Variants in SLC24A3 observed in about 807,000 individuals in gnomAD.
The protein encoded by SLC24A3 is sodium/potassium/calcium exchanger 3.
In SLC24A3, 28 loss-of-function variants were observed where a neutral mutation model predicts 75.8. That is an observed-to-expected ratio of 0.37 (90% confidence interval 0.27 to 0.51). The LOEUF is 0.51. SLC24A3 is among the 20% of genes least tolerant of loss of function. The probability of loss-of-function intolerance (pLI) is 0.94; values close to 1 mark genes in which losing one functional copy is unlikely to be tolerated. For synonymous variants in SLC24A3, 372 were observed against 334.1 expected, an observed-to-expected ratio of 1.11 and a Z score of -1.24; for missense variants, 663 against 847.8, an observed-to-expected ratio of 0.78 and a Z score of 2.71.
chr20:19,597,636 AC>A (rs1368738092), intron 6 of SLC24A3, among the ~76,000 whole-genome samples: 1 of 152,064 alleles, frequency 6.6e-6, no homozygotes, highest in East Asian at 1.9e-4. Context: ...CATTGTGGTC[AC>A]CCTACTCTGC....
At chr20:19,354,041 T>G (rs1467957583) in intron 2 of SLC24A3, among the ~76,000 whole-genome samples, 1 of 152,132 alleles carries the variant, frequency 6.6e-6, no homozygotes. Context: ...AGCTCCAAAC[T>G]AGAAAAATCC....
chr20:19,222,653 TGTGA>T (rs984489160), intron 1 of SLC24A3, among the ~76,000 whole-genome samples: 9 of 152,304 alleles, frequency 5.9e-5, no homozygotes, highest in Admixed American at 3.9e-4. Flanking sequence ...CCCTCACAAC[TGTGA>T]GTAAGGAAGC....
intron 2 of SLC24A3, among the ~76,000 whole-genome samples, chr20:19,341,116 A>G (rs543393695): frequency 3.3e-5 from 5 of 152,316 alleles, no homozygotes; most frequent in Admixed American, 1.3e-4. Flanking sequence ...CCATCCCCAG[A>G]GGGGCTGAAC....
At chr20:19,569,469 C>T (rs1247349116) in intron 3 of SLC24A3, among the ~76,000 whole-genome samples, 2 of 152,060 alleles carry the variant, frequency 1.3e-5, no homozygotes, top group Non-Finnish European at 2.9e-5. Context: ...CCTTTCCATC[C>T]TTTCCCAAGC....
intron 9 of SLC24A3, among the ~76,000 whole-genome samples, chr20:19,681,133 C>T (rs903063834): frequency 3.3e-4 from 50 of 152,200 alleles, no homozygotes; most frequent in Non-Finnish European, 1.2e-4. Context: ...AAACCATCCT[C>T]GGAACTTGTA....
intron 2 of SLC24A3, among the ~76,000 whole-genome samples, chr20:19,331,159 T>A (rs1984989139): frequency 6.6e-6 from 1 of 152,108 alleles, no homozygotes; most frequent in African/African-American, 2.4e-5. Flanking sequence ...CAATTGACAG[T>A]TTGAAAATGG....
intron 6 of SLC24A3, among the ~76,000 whole-genome samples, chr20:19,600,924 G>A (rs1193731943): frequency 2.6e-5 from 4 of 152,094 alleles, no homozygotes; most frequent in African/African-American, 9.7e-5. Context: ...GCCTCCCAAG[G>A]CACTGAGATT....
intron 1 of SLC24A3, among the ~76,000 whole-genome samples, chr20:19,228,278 T>TGGGG (rs1191316596): frequency 3.9e-5 from 6 of 152,190 alleles, no homozygotes; most frequent in African/African-American, 1.4e-4. Flanking sequence ...TCCCCTTGGC[T>TGGGG]ATTAGTGACA....
At chr20:19,377,812 G>T (rs143168572) in intron 2 of SLC24A3, among the ~76,000 whole-genome samples, 1 of 152,304 alleles carries the variant, frequency 6.6e-6, no homozygotes, top group Non-Finnish European at 1.5e-5. Flanking sequence ...GACCTGTTCA[G>T]AAAAGGCTTT....
At chr20:19,338,344 G>A (rs1482334006) in intron 2 of SLC24A3, among the ~76,000 whole-genome samples, 1 of 152,128 alleles carries the variant, frequency 6.6e-6, no homozygotes, top group Admixed American at 6.5e-5. Flanking sequence ...CTGTTGGCTG[G>A]TTGCATATCG....
intron 6 of SLC24A3, among the ~76,000 whole-genome samples, chr20:19,600,519 A>T (rs1301475970): frequency 1.3e-5 from 2 of 152,236 alleles, no homozygotes; most frequent in Admixed American, 1.3e-4. Flanking sequence ...CTACTCTACA[A>T]GTTTGAACTG....
intron 1 of SLC24A3, among the ~76,000 whole-genome samples, chr20:19,223,376 A>G (rs1329551253): frequency 2.6e-5 from 4 of 152,232 alleles, no homozygotes; most frequent in East Asian, 3.8e-4. Context: ...AAACTATAGT[A>G]TAATATCATA....
intron 1 of SLC24A3, among the ~76,000 whole-genome samples, chr20:19,257,152 A>C (rs976998682): frequency 1.3e-5 from 2 of 152,212 alleles, no homozygotes; most frequent in Non-Finnish European, 2.9e-5. Context: ...CCATTTGCAA[A>C]AATAGGTTTT....
intron 2 of SLC24A3, among the ~76,000 whole-genome samples, chr20:19,440,598 A>G (rs1205719485): frequency 6.6e-6 from 1 of 150,708 alleles, no homozygotes; most frequent in African/African-American, 2.4e-5. Context: ...AAGAGATTTC[A>G]TTACTTGGAA....
intron 4 of SLC24A3, among the ~76,000 whole-genome samples, chr20:19,583,008 C>G (rs914826655): frequency 6.6e-6 from 1 of 152,248 alleles, no homozygotes; most frequent in South Asian, 2.1e-4. Context: ...ACTACTCACC[C>G]CTCTGACGTC....
At chr20:19,235,415 TC>T (rs1396525884) in intron 1 of SLC24A3, among the ~76,000 whole-genome samples, 1 of 152,204 alleles carries the variant, frequency 6.6e-6, no homozygotes, top group Non-Finnish European at 1.5e-5. Context: ...TCTGCCTTAA[TC>T]TAAAGCAAAA....
At chr20:19,391,605 ATG>A (rs1986368302) in intron 2 of SLC24A3, among the ~76,000 whole-genome samples, 1 of 152,166 alleles carries the variant, frequency 6.6e-6, no homozygotes, top group Non-Finnish European at 1.5e-5. Flanking sequence ...CATGCAGTGT[ATG>A]CTATAACTAG....
At chr20:19,536,337 A>T (rs2030395608) in intron 3 of SLC24A3, among the ~76,000 whole-genome samples, 2 of 152,050 alleles carry the variant, frequency 1.3e-5, no homozygotes, top group Non-Finnish European at 2.9e-5. Flanking sequence ...GAACTTTGGG[A>T]GTGTTTCTGT....
chr20:19,489,897 G>A (rs1275247955), intron 2 of SLC24A3, among the ~76,000 whole-genome samples: 14 of 152,170 alleles, frequency 9.2e-5, no homozygotes, highest in Admixed American at 8.5e-4. Context: ...GAATAATGGA[G>A]TTGAATGTTG....
Sources: allele counts gnomAD v4.1 joint callset (sites outside exome capture counted in the v4.1 genomes callset), GRCh38; gene constraint gnomAD v4.1.1; transcripts MANE v1.5; gene names NCBI Gene and HGNC (gene_info 2026-07-23, HGNC 2026-07-21).